The following ADAM22 variants were observed in gnomAD, a reference collection of about 807,000 sequenced individuals.
The protein encoded by ADAM22 is ADAM metallopeptidase domain 22, also known as disintegrin and metalloproteinase domain-containing protein 22.
Under a neutral mutation model 144.6 loss-of-function variants are expected in ADAM22, and 65 were observed. That is an observed-to-expected ratio of 0.45 (90% CI 0.37 to 0.55). The LOEUF is 0.55. ADAM22 is among the 20% of genes least tolerant of loss of function. The probability of loss-of-function intolerance (pLI) is 0.00; values close to 1 mark genes in which losing one functional copy is unlikely to be tolerated. For synonymous variants in ADAM22, 391 were observed against 412.6 expected (o/e 0.95, Z 0.63); for missense variants, 974 against 1,184.9 (o/e 0.82, Z 2.61).
rs1204757493 is a variant in ADAM22, at chr7:88,035,442, G to C, written c.324-40184G>C. Among the ~76,000 whole-genome samples, 4 of 152,198 alleles carry C rather than the reference G, an allele frequency of 2.6e-5. No homozygotes were observed. In the East Asian group the frequency reaches 7.7e-4, roughly 29 times the overall value. ...GGGGATAGTATTATCAGAGTAAGCA[G>C]ATAAGGTTGCTGGGCTGGTGTAGAC... On this transcript the variant is annotated intron_variant, in intron 3 of 31. Coordinates refer to ENST00000413139, the MANE Select transcript of ADAM22 (RefSeq NM_001324418.2).
chr7:88,108,737 TAAAGAAAG>T (rs146566493), intron 5 of ADAM22, among the ~76,000 whole-genome samples: 69 of 148,750 alleles, frequency 4.6e-4, no homozygotes, highest in African/African-American at 1.3e-3. Context: ...TCAAAAAAAA[TAAAGAAAG>T]AAAGAAAGAA....
At position 88,155,813 on chromosome 7, in the gene ADAM22, GAGA is replaced by G. The variant is rs1026854054; in HGVS notation, c.1788-70_1788-68del. The G allele has an allele frequency of 3.0e-5, 45 of 1,517,022 alleles. No homozygotes were observed. The African/African-American group carries it at 5.3e-4, about 18-fold the overall frequency. 94.0% of individuals were successfully genotyped at this position (1,517,022 alleles called of 1,614,324 possible). On this transcript the variant is annotated intron_variant, in intron 21 of 31. Coordinates refer to ENST00000413139, the MANE Select transcript of ADAM22 (RefSeq NM_001324418.2). ...TGATGAAAACCAAATGCTAAAATGA[GAGA>G]AGATTATTCTAACTGTACATGGTTT...
intron 5 of ADAM22, among the ~76,000 whole-genome samples, chr7:88,112,576 A>G (rs1826329789): frequency 6.6e-6 from 1 of 152,202 alleles, no homozygotes; most frequent in African/African-American, 2.4e-5. Context: ...TAAAAGGATC[A>G]TGTTCTTCTA....
chr7:87,934,867 C>A (rs1484736218), intron 1 of ADAM22, 159 bp from the exon 2 acceptor site: 5 of 1,023,584 alleles, frequency 4.9e-6, no homozygotes, highest in Admixed American at 2.1e-5. Flanking sequence ...GGCTCTCGGG[C>A]TGGTGTCTCT....
intron 2 of ADAM22, among the ~76,000 whole-genome samples, chr7:87,951,717 T>C (rs1462974557): frequency 1.1e-5 from 1 of 91,256 alleles, no homozygotes; most frequent in African/African-American, 5.4e-5. Context: ...ATTGAATCTA[T>C]AAATTACCTT....
chr7:87,985,996 G>T (rs184819698), intron 3 of ADAM22, among the ~76,000 whole-genome samples: 2 of 152,186 alleles, frequency 1.3e-5, no homozygotes, highest in East Asian at 3.9e-4. Flanking sequence ...TAAGGCTTCA[G>T]GTTTTCAGTT....
rs977594166 is a variant in ADAM22 at position 88,153,217 on chromosome 7, T to G, written c.1682-4T>G. 12 of 1,611,386 alleles carry G rather than the reference T, an allele frequency of 7.4e-6. No individual in the cohort carries two copies. Among genetic ancestry groups the G allele is most frequent in the Non-Finnish European group, 1.0e-5 (12 of 1,178,706 alleles). On this transcript the variant is annotated splice_polypyrimidine_tract_variant and splice_region_variant and intron_variant, in intron 20 of 31. Coordinates refer to ENST00000413139, the MANE Select transcript of ADAM22 (RefSeq NM_001324418.2). Reference sequence around the variant, plus strand: ...CACTGATAGAAAATTTTTTTCTGCCTTAGAGGTGACAGCATCAGACAAATA... The same window carrying G: ...CACTGATAGAAAATTTTTTTCTGCCGTAGAGGTGACAGCATCAGACAAATA...
intron 23 of ADAM22, among the ~76,000 whole-genome samples, chr7:88,164,436 G>T (rs1586385288): frequency 1.3e-5 from 2 of 151,420 alleles, no homozygotes; most frequent in East Asian, 3.9e-4. Context: ...TTATATTTGG[G>T]GTAATTTTAA....
At chr7:87,955,463 G>A (rs374688721) in intron 2 of ADAM22, among the ~76,000 whole-genome samples, 3 of 152,124 alleles carry the variant, frequency 2.0e-5, no homozygotes, top group African/African-American at 4.8e-5. Flanking sequence ...TTTGTGATCC[G>A]CAAGTGCTGC....
At chr7:87,958,331 C>G (rs1364511649) in intron 2 of ADAM22, among the ~76,000 whole-genome samples, 1 of 152,020 alleles carries the variant, frequency 6.6e-6, no homozygotes, top group African/African-American at 2.4e-5. Context: ...GTATAGTCTC[C>G]TTTTCATCAT....
intron 2 of ADAM22, among the ~76,000 whole-genome samples, chr7:87,954,135 C>T (rs969260869): frequency 1.3e-5 from 2 of 151,826 alleles, no homozygotes; most frequent in African/African-American, 4.8e-5. Flanking sequence ...GCATTTAGTC[C>T]ATTTACATTT....
chr7:88,192,919 G>A lies in ADAM22; in HGVS notation c.2751-197G>A, dbSNP rs1489099265. On this transcript the variant is annotated intron_variant, in intron 30 of 31. Coordinates refer to ENST00000413139, the MANE Select transcript of ADAM22 (RefSeq NM_001324418.2). ...TGTTCTAACATTTAAATAATCCATT[G>A]CAGTCATGAAATTAGGAAGATAAAA... Among the ~76,000 whole-genome samples the A allele has an allele frequency of 2.0e-5, 3 of 152,060 alleles. No homozygotes were observed. The East Asian group carries it at 5.8e-4, about 29-fold the overall frequency.
At chr7:88,055,111 A>G (rs1249864603) in intron 3 of ADAM22, among the ~76,000 whole-genome samples, 5 of 151,982 alleles carry the variant, frequency 3.3e-5, no homozygotes, top group African/African-American at 7.3e-5. Context: ...TATCAGATAT[A>G]TATATATATA....
intron 3 of ADAM22, among the ~76,000 whole-genome samples, chr7:88,031,522 G>A (rs570504058): frequency 6.6e-6 from 1 of 152,324 alleles, no homozygotes; most frequent in African/African-American, 2.4e-5. Flanking sequence ...CTGCTCTAGG[G>A]ATCAGTTGAA....
At chr7:88,054,169 CAT>C (rs762525097) in intron 3 of ADAM22, among the ~76,000 whole-genome samples, 8 of 152,010 alleles carry the variant, frequency 5.3e-5, no homozygotes, top group South Asian at 4.2e-4. Flanking sequence ...GTCATGTACA[CAT>C]GTTTTTATAT....
chr7:88,181,777 C>T (rs1447233829), intron 28 of ADAM22, among the ~76,000 whole-genome samples, 172 bp downstream of exon 28: 2 of 152,078 alleles, frequency 1.3e-5, no homozygotes, highest in East Asian at 1.9e-4. Context: ...TGATGGGATT[C>T]GGCAGCACCA....
At chr7:88,065,971 A>C (rs1811148907) in intron 3 of ADAM22, among the ~76,000 whole-genome samples, 1 of 152,144 alleles carries the variant, frequency 6.6e-6, no homozygotes, top group East Asian at 1.9e-4. Flanking sequence ...AATGTCTCCT[A>C]TATTTAGAGT....
At chr7:88,049,461 C>G (rs1023929696) in intron 3 of ADAM22, among the ~76,000 whole-genome samples, 2 of 152,052 alleles carry the variant, frequency 1.3e-5, no homozygotes, top group East Asian at 3.9e-4. Context: ...TGCAGTGGCA[C>G]AATCTTGGCT....
intron 3 of ADAM22, among the ~76,000 whole-genome samples, chr7:88,057,604 C>T (rs1808634761): frequency 6.6e-6 from 1 of 152,192 alleles, no homozygotes; most frequent in Non-Finnish European, 1.5e-5. Flanking sequence ...AAGCCCATTC[C>T]ATTATTTATT....
Sources: allele counts gnomAD v4.1 joint callset (sites outside exome capture counted in the v4.1 genomes callset), GRCh38; gene constraint gnomAD v4.1.1; transcripts MANE v1.5; gene names NCBI Gene and HGNC (gene_info 2026-07-23, HGNC 2026-07-21).